VPS41: variants seen among roughly 807,000 people sequenced by gnomAD.
VPS41 encodes the protein VPS41 subunit of HOPS complex, also known as vacuolar protein sorting-associated protein 41 homolog.
Under a neutral mutation model 130.9 loss-of-function variants are expected in VPS41, and 85 were observed. The observed-to-expected ratio is 0.65, with a 90% CI of 0.55 to 0.78. The LOEUF is 0.78. VPS41 is among the 30% of genes least tolerant of loss of function. The pLI is 0.00. For synonymous variants in VPS41, 335 were observed against 332.9 expected (o/e 1.01, Z -0.07); for missense variants, 874 against 1,018.7 (o/e 0.86, Z 1.93).
chr7:38,791,187 A>G (rs972259515), intron 9 of VPS41, among the ~76,000 whole-genome samples: 9 of 151,942 alleles, frequency 5.9e-5, no homozygotes, highest in Non-Finnish European at 1.3e-4. Context: ...CACTTCTCCA[A>G]TTTTCTTCCC....
At chr7:38,890,774 C>A (rs1162347494) in intron 2 of VPS41, among the ~76,000 whole-genome samples, 1 of 151,928 alleles carries the variant, frequency 6.6e-6, no homozygotes, top group African/African-American at 2.4e-5. Flanking sequence ...CAGCCTCAAC[C>A]TCCTGGGCTG....
chr7:38,862,708 T>C (rs545274224), intron 3 of VPS41, 86 bp from the exon 4 acceptor site: 25 of 777,400 alleles, frequency 3.2e-5, no homozygotes, highest in Non-Finnish European at 4.5e-5. Context: ...AAAGACAAGA[T>C]GCTTAATGCA....
chr7:38,796,909 A>G, intron 7 of VPS41, 45 bp from the exon 8 acceptor site: 1 of 1,611,038 alleles, frequency 6.2e-7, no homozygotes, highest in Non-Finnish European at 8.5e-7. Flanking sequence ...AACTGAAAAT[A>G]ATGTATCAGG....
chr7:38,797,023 A>C, intron 7 of VPS41, 159 bp from the exon 8 acceptor site: 2 of 789,118 alleles, frequency 2.5e-6, no homozygotes, highest in Non-Finnish European at 3.9e-6. Flanking sequence ...TGTACCTTGG[A>C]AAGAATTCCT....
chr7:38,797,051 C>T (rs1225020146), intron 7 of VPS41, 187 bp from the exon 8 acceptor site: 1 of 649,000 alleles, frequency 1.5e-6, no homozygotes, highest in Admixed American at 3.1e-5. Context: ...CATATTCTCC[C>T]CAGGAAGTTG....
chr7:38,745,659 A>G, intron 22 of VPS41, 46 bp from the exon 23 acceptor site: 3 of 1,389,504 alleles, frequency 2.2e-6, no homozygotes, highest in Non-Finnish European at 3.0e-6. Flanking sequence ...CGACCAAATA[A>G]GAACAAACAG....
chr7:38,781,378 A>C (rs1265823038), intron 10 of VPS41, among the ~76,000 whole-genome samples: 4 of 152,160 alleles, frequency 2.6e-5, no homozygotes, highest in African/African-American at 9.7e-5. Flanking sequence ...TAGATGCCCA[A>C]GTTTTTCGCT....
rs1786296371 is a variant in VPS41 at position 38,869,329 on chromosome 7, GAGAGAACCAGAGATGGTTCCTTCA to G, written c.61-100_61-77del. The G allele has an allele frequency of 4.3e-5, 39 of 903,000 alleles. 1 individual carries two copies. The South Asian group carries it at 6.1e-4, about 14-fold the overall frequency. 55.9% of individuals were successfully genotyped at this position (903,000 alleles called of 1,614,324 possible). ...GAAAACCTCAAAACACACTTCTTAC[GAGAGAACCAGAGATGGTTCCTTCA>G]ATGATGTTAATAATTCCAACTACAG... On this transcript the variant is annotated intron_variant, in intron 2 of 28. Transcript: ENST00000310301.
At chr7:38,750,701 T>G (rs1783652010) in intron 22 of VPS41, among the ~76,000 whole-genome samples, 1 of 152,150 alleles carries the variant, frequency 6.6e-6, no homozygotes, top group African/African-American at 2.4e-5. Flanking sequence ...TGAGTACTAC[T>G]AGACCCGAAA....
intron 21 of VPS41, among the ~76,000 whole-genome samples, chr7:38,753,694 T>C (rs1362197500): frequency 6.6e-6 from 1 of 152,102 alleles, no homozygotes; most frequent in Non-Finnish European, 1.5e-5. Context: ...CTTAAGTAAG[T>C]CAGAAATCAC....
At chr7:38,891,648 G>C (rs116678240) in intron 2 of VPS41, among the ~76,000 whole-genome samples, 1 of 152,130 alleles carries the variant, frequency 6.6e-6, no homozygotes, top group South Asian at 2.1e-4. Context: ...GTCGACTCCT[G>C]TTCTTAATGG....
chr7:38,833,502 C>T (rs1432199367), intron 4 of VPS41, among the ~76,000 whole-genome samples: 1 of 152,194 alleles, frequency 6.6e-6, no homozygotes, highest in Non-Finnish European at 1.5e-5. Context: ...TGCTGCTTTT[C>T]CAGCCTTAAG....
At position 38,758,389 on chromosome 7, in the gene VPS41, A is replaced by G; in HGVS notation, c.1515T>C (p.Ser505=). 1 of 1,613,360 alleles carries G rather than the reference A, an allele frequency of 6.2e-7. No individual in the cohort carries two copies. Residue 505 remains serine (S), a synonymous_variant, in exon 18 of 29, where the codon AGT becomes AGC. Transcript: ENST00000310301. ...GGGTTTTAAGTAAAGTCTTGTTCTG[A>G]CTATCTTTCTTCAAATGATCCCGAA... The part of the protein sequence containing the change: ...QAVRDHLKKD[S]QNKTLLKTLA...
chr7:38,889,573 A>AAAAAAAAAAAAC (rs1562625397), intron 2 of VPS41, among the ~76,000 whole-genome samples: 1 of 145,548 alleles, frequency 6.9e-6, no homozygotes, highest in Non-Finnish European at 1.5e-5. Context: ...AAAAAAAAAA[A>AAAAAAAAAAAAC]ACCTTAAAAC....
intron 10 of VPS41, among the ~76,000 whole-genome samples, chr7:38,777,052 T>G (rs1784273222): frequency 1.3e-5 from 2 of 152,166 alleles, no homozygotes; most frequent in African/African-American, 4.8e-5. Flanking sequence ...GGTGACACTG[T>G]GCTTAGGTAG....
chr7:38,778,186 G>A (rs1314086423), intron 10 of VPS41, among the ~76,000 whole-genome samples: 2 of 152,172 alleles, frequency 1.3e-5, no homozygotes, highest in East Asian at 3.9e-4. Flanking sequence ...TCCCAGTTCT[G>A]CCAGGAACAC....
intron 9 of VPS41, among the ~76,000 whole-genome samples, chr7:38,793,556 T>C (rs1784571676): frequency 6.6e-6 from 1 of 152,222 alleles, no homozygotes. Context: ...AAAGGGTATA[T>C]GTTTCCCATG....
At chr7:38,821,088 G>T in intron 6 of VPS41, 115 bp downstream of exon 6, 1 of 755,278 alleles carries the variant, frequency 1.3e-6, no homozygotes, top group South Asian at 1.7e-5. Flanking sequence ...CTGAAGTGTT[G>T]AACAGACACT....
intron 7 of VPS41, among the ~76,000 whole-genome samples, chr7:38,817,276 C>T (rs562401078): frequency 4.3e-4 from 66 of 152,254 alleles, no homozygotes; most frequent in African/African-American, 1.4e-3. Context: ...TGTAACAGCT[C>T]TCTTATTTTC....
Sources: allele counts gnomAD v4.1 joint callset (sites outside exome capture counted in the v4.1 genomes callset), GRCh38; gene constraint gnomAD v4.1.1; transcripts MANE v1.5; gene names NCBI Gene and HGNC (gene_info 2026-07-23, HGNC 2026-07-21).